Variants in CDKN1C observed in about 807,000 individuals in gnomAD.
The protein encoded by CDKN1C is cyclin dependent kinase inhibitor 1C, also known as cyclin-dependent kinase inhibitor 1C.
CDKN1C carries 7 observed loss-of-function variants against 16.5 expected under a neutral mutation model. The observed-to-expected ratio is 0.42, with a 90% CI of 0.24 to 0.80. The LOEUF (loss-of-function observed/expected upper bound fraction) is 0.80, where lower values mean the gene tolerates loss of function less well. CDKN1C is among the 30% of genes least tolerant of loss of function. The probability of loss-of-function intolerance (pLI) is 0.26; values close to 1 mark genes in which losing one functional copy is unlikely to be tolerated. For missense variants in CDKN1C, 429 were observed against 437.3 expected (o/e 0.98, Z 0.17); for synonymous variants, 288 against 214.4 (o/e 1.34, Z -3.00).
At position 2,883,875 on chromosome 11, in the gene CDKN1C, G is replaced by A. The variant is rs1469017919; in HGVS notation, c.*46C>T. On this transcript the variant is annotated 3_prime_UTR_variant, in exon 4 of 4. Transcript: ENST00000440480. The stretch of plus-strand genomic sequence containing the variant: ...GAGGCCCAGCGCCCTTCCAACGTCC[G>A]CTGCCCCGGCAGGTTCCCTCGGGGC... 8 of 1,561,602 alleles carry A rather than the reference G, an allele frequency of 5.1e-6. No homozygotes were observed. In the African/African-American group the frequency reaches 6.8e-5, roughly 13 times the overall value.
rs1848949623 is a variant in CDKN1C at position 2,885,001 on chromosome 11, AGCCGGAGCCGGG to A, written c.444_455del (p.Ala150_Pro153del). The A allele has an allele frequency of 1.0e-6, 1 of 984,854 alleles. No homozygotes were observed. Among genetic ancestry groups the A allele is most frequent in the Admixed American group, 5.0e-5 (1 of 19,896 alleles). The allele number at this position is 984,854 out of a possible 1,614,324, so 61.0% of individuals were successfully genotyped here. A position where few individuals can be genotyped will look rare whatever the true frequency, so the allele number is the denominator to read the frequency against. On this transcript the variant is annotated inframe_deletion, in exon 2 of 4. Coordinates refer to ENST00000440480, the MANE Select transcript of CDKN1C (RefSeq NM_001122630.2). The stretch of plus-strand genomic sequence containing the variant: ...GAGCCGCGACCGGAGCCGCGACCGG[AGCCGGAGCCGGG>A]GCCGGGGCTGGAGCCAGGACCGGGA...
chr11:2,884,985 C>G lies in CDKN1C; in HGVS notation c.472G>C (p.Val158Leu). The G allele has an allele frequency of 9.1e-7, 1 of 1,104,284 alleles. No homozygotes were observed. The highest frequency in any genetic ancestry group is 1.1e-6 in the Non-Finnish European group (1 of 879,048). 68.4% of individuals were successfully genotyped at this position (1,104,284 alleles called of 1,614,324 possible). A position where few individuals can be genotyped will look rare whatever the true frequency, so the allele number is the denominator to read the frequency against. ...ACCGCGACCGCGACCGGAGCCGCGA[C>G]CGGAGCCGCGACCGGAGCCGGAGCC... is the stretch of plus-strand genomic sequence containing the variant. ...APAPAPVAAP[V>L]AAPVAVAVLA... is the part of the protein sequence containing the mutation. Residue 158 changes from valine (V) to leucine (L), a missense_variant, in exon 2 of 4, where the codon GTC becomes CTC. By Grantham distance (32) the Val-to-Leu change is conservative. Coordinates refer to ENST00000440480, the MANE Select transcript of CDKN1C (RefSeq NM_001122630.2).
rs747104008 is a variant in CDKN1C at position 2,884,686 on chromosome 11, G to A, written c.771C>T (p.Ser257=). 45 of 1,466,878 alleles carry A rather than the reference G, an allele frequency of 3.1e-5. No homozygotes were observed. The highest frequency in any genetic ancestry group is 1.8e-4 in the Admixed American group (8 of 45,588). The allele number at this position is 1,466,878 out of a possible 1,614,324, so 90.9% of individuals were successfully genotyped here. A position where few individuals can be genotyped will look rare whatever the true frequency, so the allele number is the denominator to read the frequency against. ...GGGGCTCACCGGAGATCAGAGGCCC[G>A]GACAGCTTCTTGATCGCCGCGCCGT... ...SANGAAIKKL[S]GPLISDFFAK... is the part of the protein sequence containing the mutation. Residue 257 remains serine, a synonymous_variant, in exon 2 of 4, where the codon TCC becomes TCT. Coordinates refer to ENST00000440480, the MANE Select transcript of CDKN1C (RefSeq NM_001122630.2).
In CDKN1C at chr11:2,883,850, G is replaced by C; in HGVS notation, c.*71C>G. On this transcript the variant is annotated 3_prime_UTR_variant, in exon 4 of 4. Transcript: ENST00000440480. Reference sequence around the variant, plus strand: ...TGCTGCTACATGAACGGTCCCAGCCGAGGCCCAGCGCCCTTCCAACGTCCG... The same window carrying C: ...TGCTGCTACATGAACGGTCCCAGCCCAGGCCCAGCGCCCTTCCAACGTCCG... 6.5e-7 allele frequency: 1 copy of C among 1,547,610 alleles called. No homozygotes were observed. The highest frequency in any genetic ancestry group is 8.7e-7 in the Non-Finnish European group (1 of 1,147,312).
intron 2 of CDKN1C, 73 bp downstream of exon 2, chr11:2,884,596 CG>C: frequency 1.0e-6 from 1 of 977,820 alleles, no homozygotes; most frequent in Non-Finnish European, 1.3e-6. Context: ...GCGAGGCCCC[CG>C]AGGGCTGGGG....
rs560380736 is a variant in CDKN1C at position 2,885,665 on chromosome 11, G to A, written c.-42C>T. ...GTCCGGTGGTGGACTCTTCTGCGTC[G>A]GGTTCGCCTGTCTCGTCCGGACGGC... On this transcript the variant is annotated 5_prime_UTR_variant, in exon 1 of 4. Transcript: ENST00000440480. 165 of 752,012 alleles carry A rather than the reference G, an allele frequency of 2.2e-4. No individual in the cohort carries two copies. The African/African-American group carries it at 2.4e-3, about 11-fold the overall frequency. 46.6% of individuals were successfully genotyped at this position (752,012 alleles called of 1,614,324 possible). A position where few individuals can be genotyped will look rare whatever the true frequency, so the allele number is the denominator to read the frequency against.
rs562237921 is a variant in CDKN1C, at chr11:2,884,850, G to A, written c.607C>T (p.Pro203Ser). The change falls in exon 2 of 4, where the codon CCG (proline) becomes TCG (serine). Residue 203 changes from proline to serine, a missense_variant. By Grantham distance (74) the Pro-to-Ser change is moderately conservative. Coordinates refer to ENST00000440480, the MANE Select transcript of CDKN1C (RefSeq NM_001122630.2). The stretch of plus-strand genomic sequence containing the variant: ...TCTTGAGGCGCCGCGTCCGGGGCCG[G>A]GGCCGGGGCGGGGGCCGGGGCCGGG... ...PAPAPAPAPA[P>S]APDAAPQESA... 8.8e-7 allele frequency: 1 copy of A among 1,136,614 alleles called. No individual in the cohort carries two copies. Among genetic ancestry groups the A allele is most frequent in the Non-Finnish European group, 1.1e-6 (1 of 923,408 alleles). 70.4% of individuals were successfully genotyped at this position (1,136,614 alleles called of 1,614,324 possible).
chr11:2,884,732 C>CCCCTGGTT lies in CDKN1C; in HGVS notation c.724_725insAACCAGGG (p.Gly242GlufsTer22). ...GCCGTTGGCGCTGGCGGCCGCGGTGCCGGCCGCGGGACGTCCCGAAATCCC... is the reference window on the plus strand; with the variant it reads ...GCCGTTGGCGCTGGCGGCCGCGGTGCCCCTGGTTCGGCCGCGGGACGTCCCGAAATCCC... On this transcript the variant is annotated frameshift_variant, in exon 2 of 4. Coordinates refer to ENST00000440480, the MANE Select transcript of CDKN1C (RefSeq NM_001122630.2). LOFTEE classifies it high-confidence loss of function. 1 of 1,507,260 alleles carries CCCCTGGTT rather than the reference C, an allele frequency of 6.6e-7. No homozygotes were observed. Among genetic ancestry groups the CCCCTGGTT allele is most frequent in the South Asian group, 1.2e-5 (1 of 83,628 alleles). The allele number at this position is 1,507,260 out of a possible 1,614,324, so 93.4% of individuals were successfully genotyped here.
Position 2,883,722 on chromosome 11 carries a change from G to A in CDKN1C, c.*199C>T. On this transcript the variant is annotated 3_prime_UTR_variant, in exon 4 of 4. Transcript: ENST00000440480. The stretch of plus-strand genomic sequence containing the variant: ...CACCTTGGGACCAGTGTACCTTCTC[G>A]TGCAGAATACATTTAGATATAAAAA... 4 of 1,348,388 alleles carry A rather than the reference G, an allele frequency of 3.0e-6. No individual in the cohort carries two copies. The highest frequency in any genetic ancestry group is 3.9e-6 in the Non-Finnish European group (4 of 1,034,256). The allele number at this position is 1,348,388 out of a possible 1,614,324, so 83.5% of individuals were successfully genotyped here.
Position 2,884,054 on chromosome 11 carries a change from C to T in CDKN1C, c.868G>A (p.Ala290Thr), listed in dbSNP as rs749702191. ...TGCTCCACCGAGCCCACGCCAGGGG[C>T]GGCGCTTGGAGAGGGACACGGCGCG... ...VPAPCPSPSA[A>T]PGVGSVEQTP... Residue 290 changes from alanine to threonine, a missense_variant, in exon 3 of 4, where the codon GCC becomes ACC. Ala to Thr is a moderately conservative substitution (Grantham distance 58, BLOSUM62 0). Coordinates refer to ENST00000440480, the MANE Select transcript of CDKN1C (RefSeq NM_001122630.2). The T allele has an allele frequency of 6.4e-7, 1 of 1,554,096 alleles. No individual in the cohort carries two copies. The highest frequency in any genetic ancestry group is 8.7e-7 in the Non-Finnish European group (1 of 1,149,290).
rs2133779168 is a variant in CDKN1C at position 2,883,663 on chromosome 11, T to A, written c.*258A>T. 2.6e-6 allele frequency: 2 copies of A among 764,914 alleles called. No homozygotes were observed. The highest frequency in any genetic ancestry group is 3.3e-5 in the East Asian group (1 of 30,152). The allele number at this position is 764,914 out of a possible 1,614,324, so 47.4% of individuals were successfully genotyped here. ...TTTTGCACTGAGTTTCAGCAGAGAT[T>A]AAACATTTTATATAAATGACTCTTA... On this transcript the variant is annotated 3_prime_UTR_variant, in exon 4 of 4. Transcript: ENST00000440480.
Position 2,885,202 on chromosome 11 carries a change from C to T in CDKN1C, c.255G>A (p.Gln85=), listed in dbSNP as rs1848968928. 6.5e-7 allele frequency: 1 copy of T among 1,542,388 alleles called. No homozygotes were observed. Among genetic ancestry groups the T allele is most frequent in the Non-Finnish European group, 8.7e-7 (1 of 1,147,558 alleles). The stretch of plus-strand genomic sequence containing the variant: ...CCAGCAGCAGGCGGCAGCGCCCCAC[C>T]TGCACCGTCTCGCGGTAGAACGCGG... ...SVPAFYRETV[Q]VGRCRLLLAP... The change falls in exon 2 of 4, where the codon CAG becomes CAA. Residue 85 remains glutamine, a synonymous_variant. Coordinates refer to ENST00000440480, the MANE Select transcript of CDKN1C (RefSeq NM_001122630.2).
chr11:2,885,582 AG>A (rs1848989538), intron 1 of CDKN1C, 51 bp downstream of exon 1: 1 of 1,462,038 alleles, frequency 6.8e-7, no homozygotes, highest in African/African-American at 1.4e-5. Flanking sequence ...GCCGGGCGCA[AG>A]GGAGACCCCG....
In CDKN1C at chr11:2,883,726, A is replaced by G; in HGVS notation, c.*195T>C. The stretch of plus-strand genomic sequence containing the variant: ...TTGGGACCAGTGTACCTTCTCGTGC[A>G]GAATACATTTAGATATAAAAAGACG... On this transcript the variant is annotated 3_prime_UTR_variant, in exon 4 of 4. Coordinates refer to ENST00000440480, the MANE Select transcript of CDKN1C (RefSeq NM_001122630.2). 7.3e-7 allele frequency: 1 copy of G among 1,367,506 alleles called. No individual in the cohort carries two copies. Among genetic ancestry groups the G allele is most frequent in the Non-Finnish European group, 9.5e-7 (1 of 1,048,596 alleles). The allele number at this position is 1,367,506 out of a possible 1,614,324, so 84.7% of individuals were successfully genotyped here. A position where few individuals can be genotyped will look rare whatever the true frequency, so the allele number is the denominator to read the frequency against.
In CDKN1C at chr11:2,884,678, A is replaced by T; in HGVS notation, c.779T>A (p.Leu260Gln). 7.1e-7 allele frequency: 1 copy of T among 1,417,172 alleles called. No homozygotes were observed. The highest frequency in any genetic ancestry group is 9.2e-7 in the Non-Finnish European group (1 of 1,083,656). The allele number at this position is 1,417,172 out of a possible 1,614,324, so 87.8% of individuals were successfully genotyped here. A position where few individuals can be genotyped will look rare whatever the true frequency, so the allele number is the denominator to read the frequency against. The part of the protein sequence containing the change: ...GAAIKKLSGP[L>Q]ISDFFAKRKR... ...GGCCGTGCGGGGCTCACCGGAGATC[A>T]GAGGCCCGGACAGCTTCTTGATCGC... is the stretch of plus-strand genomic sequence containing the variant. Residue 260 changes from leucine to glutamine, a missense_variant, in exon 2 of 4, where the codon CTG (leucine) becomes CAG (glutamine). Physicochemically the swap from Leu to Gln is moderately radical, Grantham distance 113 (BLOSUM62 -2). Transcript: ENST00000440480.
In CDKN1C at chr11:2,883,348, G is replaced by A. The variant is rs1848843852; in HGVS notation, c.*573C>T. On this transcript the variant is annotated 3_prime_UTR_variant, in exon 4 of 4. Coordinates refer to ENST00000440480, the MANE Select transcript of CDKN1C (RefSeq NM_001122630.2). ...AGATAAACACAGTCATAATAAGAGA[G>A]ACAGCGAAAGCGCGAAGAGACTGCA... 1 of 153,528 alleles carries A rather than the reference G, an allele frequency of 6.5e-6. No homozygotes were observed. The highest frequency in any genetic ancestry group is 2.0e-4 in the South Asian group (1 of 4,924). 9.5% of individuals were successfully genotyped at this position (153,528 alleles called of 1,614,324 possible).
At chr11:2,884,265 G>T in intron 2 of CDKN1C, 131 bp from the exon 3 acceptor site, 1 of 472,482 alleles carries the variant, frequency 2.1e-6, no homozygotes, top group Non-Finnish European at 2.8e-6. Context: ...GAGGTCCGCG[G>T]CGGGTCAGCT....
rs1307229121 is a variant in CDKN1C, at chr11:2,884,125, G to A, written c.797C>T (p.Ala266Val). The part of the protein sequence containing the change: ...LSGPLISDFF[A>V]KRKRSAPEKS... ...CTCAGGCGCTGATCTCTTGCGCTTG[G>A]CGAAGAAATCTGCGGGCGACAGCGC... is the stretch of plus-strand genomic sequence containing the variant. The change falls in exon 3 of 4, where the codon GCC becomes GTC. Residue 266 changes from alanine to valine, a missense_variant. Coordinates refer to ENST00000440480, the MANE Select transcript of CDKN1C (RefSeq NM_001122630.2). 1.3e-6 allele frequency: 2 copies of A among 1,494,480 alleles called. No individual in the cohort carries two copies. Among genetic ancestry groups the A allele is most frequent in the African/African-American group, 1.4e-5 (1 of 69,074 alleles). The allele number at this position is 1,494,480 out of a possible 1,614,324, so 92.6% of individuals were successfully genotyped here. A position where few individuals can be genotyped will look rare whatever the true frequency, so the allele number is the denominator to read the frequency against.
At position 2,885,070 on chromosome 11, in the gene CDKN1C, C is replaced by T; in HGVS notation, c.387G>A (p.Pro129=). Residue 129 remains proline (P), a synonymous_variant, in exon 2 of 4, where the codon CCG becomes CCA. Transcript: ENST00000440480. ...EEAPEQLPSV[P]VPAPASTPPP... is the part of the protein sequence containing the mutation. ...GCGGGGTGGACGCCGGGGCCGGGAC[C>T]GGGACACTAGGCAGCTGCTCCGGCG... 3.6e-6 allele frequency: 5 copies of T among 1,375,856 alleles called. No homozygotes were observed. The highest frequency in any genetic ancestry group is 4.7e-6 in the Non-Finnish European group (5 of 1,074,312). 85.2% of individuals were successfully genotyped at this position (1,375,856 alleles called of 1,614,324 possible).
Sources: allele counts gnomAD v4.1 joint callset, GRCh38; gene constraint gnomAD v4.1.1; transcripts MANE v1.5; gene names NCBI Gene and HGNC (gene_info 2026-07-23, HGNC 2026-07-21).